ADAMTS17: variants seen among roughly 807,000 people sequenced by gnomAD.
ADAMTS17 encodes the protein ADAM metallopeptidase with thrombospondin type 1 motif 17, also known as A disintegrin and metalloproteinase with thrombospondin motifs 17.
Under a neutral mutation model 141.5 loss-of-function variants are expected in ADAMTS17, and 113 were observed. The ratio of observed to expected loss-of-function variants is 0.80; its 90% confidence interval spans 0.69 to 0.93. The LOEUF (loss-of-function observed/expected upper bound fraction) is 0.93. Ranked by LOEUF, ADAMTS17 falls within the 40% of genes least tolerant of loss-of-function variation. The pLI is 0.00. For missense variants in ADAMTS17, 1,659 were observed against 1,517.9 expected (o/e 1.09, Z -1.54); for synonymous variants, 768 against 630.6 (o/e 1.22, Z -3.27).
chr15:100,223,894 C>T (rs889433955), intron 7 of ADAMTS17, among the ~76,000 whole-genome samples: 2 of 151,974 alleles, frequency 1.3e-5, no homozygotes, highest in East Asian at 1.9e-4. Flanking sequence ...AGGCTGTCTG[C>T]AAGCTGAGGA....
At position 100,341,808 on chromosome 15, in the gene ADAMTS17, G is replaced by A. The variant is rs2142000633; in HGVS notation, c.79+13C>T. On this transcript the variant is annotated intron_variant, in intron 1 of 21. Transcript: ENST00000268070. Reference sequence around the variant, plus strand: ...GGACGCGGGGTGAAGAGGGCTGTGGGAGGGGGCGCTACCTGTGCCCGGGTC... The same window carrying A: ...GGACGCGGGGTGAAGAGGGCTGTGGAAGGGGGCGCTACCTGTGCCCGGGTC... The A allele has an allele frequency of 1.3e-6, 2 of 1,550,126 alleles. No individual in the cohort carries two copies. Among genetic ancestry groups the A allele is most frequent in the East Asian group, 2.4e-5 (1 of 40,896 alleles).
At chr15:100,092,361 G>A (rs1157579871) in intron 15 of ADAMTS17, among the ~76,000 whole-genome samples, 2 of 152,252 alleles carry the variant, frequency 1.3e-5, no homozygotes, top group Non-Finnish European at 2.9e-5. Flanking sequence ...ACACTCAGAC[G>A]CGTGAGCCAG....
intron 3 of ADAMTS17, among the ~76,000 whole-genome samples, chr15:100,302,868 G>T (rs1221837906): frequency 6.6e-6 from 1 of 152,100 alleles, no homozygotes; most frequent in African/African-American, 2.4e-5. Flanking sequence ...TCCTAACCCT[G>T]CCAGGGAGGT....
intron 18 of ADAMTS17, among the ~76,000 whole-genome samples, chr15:100,028,773 G>A (rs2029872877): frequency 2.6e-5 from 4 of 152,172 alleles, no homozygotes; most frequent in Admixed American, 2.6e-4. Context: ...TCCCTCCTTA[G>A]TTTTCTTGAG....
chr15:100,336,976 C>T (rs902113870), intron 2 of ADAMTS17, among the ~76,000 whole-genome samples: 13 of 152,144 alleles, frequency 8.5e-5, no homozygotes, highest in Non-Finnish European at 1.5e-4. Flanking sequence ...CAGGTTCAAG[C>T]GATTCTCCTG....
chr15:100,136,098 A>T (rs2038316871), intron 10 of ADAMTS17, among the ~76,000 whole-genome samples: 1 of 152,248 alleles, frequency 6.6e-6, no homozygotes, highest in Non-Finnish European at 1.5e-5. Flanking sequence ...AAAAATGTGT[A>T]TGTGTTCACC....
chr15:100,079,464 C>T (rs10152463), intron 15 of ADAMTS17, among the ~76,000 whole-genome samples: 23,653 of 152,108 alleles, frequency 0.16, 3,549 homozygotes, highest in African/African-American at 0.4. Flanking sequence ...TATTATACTA[C>T]TCCATTTACA....
chr15:100,339,921 G>A (rs1263961256), intron 2 of ADAMTS17, among the ~76,000 whole-genome samples: 2 of 152,212 alleles, frequency 1.3e-5, no homozygotes, highest in Non-Finnish European at 2.9e-5. Context: ...TTCTAGCTTC[G>A]TAGATTCTCG....
At chr15:100,192,420 C>A (rs2141596530) in intron 8 of ADAMTS17, among the ~76,000 whole-genome samples, 1 of 152,316 alleles carries the variant, frequency 6.6e-6, no homozygotes, top group South Asian at 2.1e-4. Context: ...GAAGGCCAAC[C>A]CCTATGTGAA....
intron 3 of ADAMTS17, among the ~76,000 whole-genome samples, chr15:100,303,722 TTTTA>T (rs564788563): frequency 3.1e-4 from 47 of 152,290 alleles, no homozygotes; most frequent in South Asian, 2.5e-3. Flanking sequence ...TTTTATTTTA[TTTTA>T]TTTATTTTTT....
At chr15:100,079,404 G>A (rs73476415) in intron 15 of ADAMTS17, among the ~76,000 whole-genome samples, 2 of 152,172 alleles carry the variant, frequency 1.3e-5, no homozygotes, top group East Asian at 3.8e-4. Context: ...CAACATGCAT[G>A]ACTTGAAAAT....
chr15:100,063,729 C>T, intron 15 of ADAMTS17: 1 of 1,290,096 alleles, frequency 7.8e-7, no homozygotes, highest in Non-Finnish European at 1.0e-6. Flanking sequence ...CCTCCGAGCT[C>T]CAGCAGGAAT....
chr15:100,338,375 G>A (rs1342089369), intron 2 of ADAMTS17, among the ~76,000 whole-genome samples: 2 of 152,164 alleles, frequency 1.3e-5, no homozygotes, highest in East Asian at 3.9e-4. Context: ...TGTGCCCCCA[G>A]CCCAGGCACT....
Position 99,997,279 on chromosome 15 carries a change from G to A in ADAMTS17, c.2796+106C>T. On this transcript the variant is annotated intron_variant, in intron 19 of 21. Transcript: ENST00000268070. The surrounding 1 kb of genome is among the most constrained non-coding windows in gnomAD (Gnocchi z 4.7). ...ATGAGCTATAACACAACTTCAAGCT[G>A]ACCTGGGGGCGAGCGAGGGCTGGGA... 7.7e-7 allele frequency: 1 copy of A among 1,293,102 alleles called. No individual in the cohort carries two copies. The highest frequency in any genetic ancestry group is 1.1e-6 in the Non-Finnish European group (1 of 898,092). The allele number at this position is 1,293,102 out of a possible 1,614,324, so 80.1% of individuals were successfully genotyped here.
chr15:100,233,929 A>C (rs1376287715), intron 7 of ADAMTS17, among the ~76,000 whole-genome samples: 3 of 152,138 alleles, frequency 2.0e-5, no homozygotes, highest in African/African-American at 7.2e-5. Context: ...TGGGCGCCCT[A>C]CTGTTCTGTC....
At chr15:100,028,328 G>T (rs1027889710) in intron 18 of ADAMTS17, among the ~76,000 whole-genome samples, 1 of 152,100 alleles carries the variant, frequency 6.6e-6, no homozygotes, top group South Asian at 2.1e-4. Context: ...ACTCTGAAAC[G>T]GCATTCTTCG....
At chr15:99,982,413 T>C (rs28706851) in intron 20 of ADAMTS17, among the ~76,000 whole-genome samples, 7,050 of 152,118 alleles carry the variant, frequency 0.046, 538 homozygotes, top group African/African-American at 0.16. Flanking sequence ...TTAGAGGCTG[T>C]TTTGGCCCTG....
chr15:100,206,282 C>T (rs1040370875), intron 7 of ADAMTS17, among the ~76,000 whole-genome samples: 3 of 152,322 alleles, frequency 2.0e-5, no homozygotes, highest in African/African-American at 7.2e-5. Flanking sequence ...GGCTGCACCT[C>T]AGCAGCACTG....
chr15:100,114,713 AAAGG>A (rs774099423), intron 13 of ADAMTS17, among the ~76,000 whole-genome samples: 5 of 152,174 alleles, frequency 3.3e-5, no homozygotes, highest in Non-Finnish European at 7.3e-5. Flanking sequence ...AGAGAAACAG[AAAGG>A]AAGTGGGTGA....
Sources: gnomAD v4.1 joint callset for allele counts (sites outside exome capture counted in the v4.1 genomes callset) on GRCh38, gnomAD v4.1.1 for gene constraint, Gnocchi (gnomAD v3.1) non-coding constraint, MANE v1.5 for transcripts, NCBI Gene and HGNC (gene_info 2026-07-23, HGNC 2026-07-21) for gene names.